Variants in CEP83 observed in about 807,000 individuals in gnomAD.
CEP83 encodes the protein centrosomal protein 83, also known as centrosomal protein of 83 kDa.
CEP83 carries 70 observed loss-of-function variants against 101.9 expected under a neutral mutation model. The observed-to-expected ratio is 0.69, with a 90% CI of 0.57 to 0.84. The LOEUF is 0.84. CEP83 is among the 40% of genes least tolerant of loss of function. The pLI is 0.00. For missense variants in CEP83, 715 were observed against 787.2 expected (o/e 0.91, Z 1.10); for synonymous variants, 264 against 267.9 (o/e 0.99, Z 0.14).
chr12:94,403,767 G>A (rs2063383655), intron 4 of CEP83, among the ~76,000 whole-genome samples: 1 of 151,802 alleles, frequency 6.6e-6, no homozygotes, highest in Non-Finnish European at 1.5e-5. Context: ...TAAGTCCCAT[G>A]TGGGAAAACA....
chr12:94,337,335 T>C (rs888146252), intron 11 of CEP83, among the ~76,000 whole-genome samples: 1 of 152,262 alleles, frequency 6.6e-6, no homozygotes, highest in East Asian at 1.9e-4. Flanking sequence ...GAAGATGATA[T>C]ACAACAAGAC....
At chr12:94,447,871 A>G (rs1193326704) in intron 1 of CEP83, among the ~76,000 whole-genome samples, 1 of 152,146 alleles carries the variant, frequency 6.6e-6, no homozygotes, top group Non-Finnish European at 1.5e-5. Flanking sequence ...AAGAATATTT[A>G]ACACAGAAAG....
At chr12:94,391,289 C>A (rs1447624967) in intron 6 of CEP83, among the ~76,000 whole-genome samples, 4 of 152,156 alleles carry the variant, frequency 2.6e-5, no homozygotes, top group Non-Finnish European at 5.9e-5. Flanking sequence ...TCGGCAGAAA[C>A]CCTACAAGCC....
chr12:94,272,139 A>G, the CEP83 span: 1 of 152,068 alleles, frequency 6.6e-6, no homozygotes, highest in Non-Finnish European at 1.5e-5. Flanking sequence ...TTTCTTTCTC[A>G]TAACCCTCCT....
chr12:94,304,120 C>G (rs1439985679), downstream of CEP83: 7 of 1,017,702 alleles, frequency 6.9e-6, no homozygotes, highest in African/African-American at 1.6e-5. Flanking sequence ...AGCATTCTGT[C>G]AGTTTCAGAA....
intron 6 of CEP83, among the ~76,000 whole-genome samples, chr12:94,389,788 T>G (rs1253750853): frequency 2.0e-5 from 3 of 152,194 alleles, no homozygotes; most frequent in Admixed American, 1.3e-4. Context: ...TCCCAAGGTC[T>G]TAGCAACCAG....
intron 11 of CEP83, among the ~76,000 whole-genome samples, 188 bp downstream of exon 11, chr12:94,367,606 C>A (rs923293452): frequency 6.6e-6 from 1 of 151,912 alleles, no homozygotes; most frequent in Non-Finnish European, 1.5e-5. Flanking sequence ...AATAGTAATG[C>A]CTGATTTCCT....
chr12:94,414,899 A>G (rs2064153477), intron 2 of CEP83, among the ~76,000 whole-genome samples: 1 of 152,180 alleles, frequency 6.6e-6, no homozygotes, highest in South Asian at 2.1e-4. Flanking sequence ...GTTTTCACTA[A>G]AAGTTAAGAT....
intron 1 of CEP83, among the ~76,000 whole-genome samples, chr12:94,440,586 A>G (rs2066329003): frequency 1.3e-5 from 2 of 152,190 alleles, no homozygotes; most frequent in South Asian, 4.1e-4. Flanking sequence ...GATGGGTAGA[A>G]TCAATATTGT....
chr12:94,442,683 T>C (rs912194483), intron 1 of CEP83, among the ~76,000 whole-genome samples: 6 of 152,194 alleles, frequency 3.9e-5, no homozygotes, highest in African/African-American at 1.2e-4. Context: ...AATCTAGTAA[T>C]AGGTGAGGAA....
chr12:94,350,982 G>A (rs955126209), intron 11 of CEP83, among the ~76,000 whole-genome samples: 2 of 151,856 alleles, frequency 1.3e-5, no homozygotes, highest in African/African-American at 2.4e-5. Context: ...CTGACTAGAG[G>A]ACCAACACTC....
At chr12:94,333,730 G>T in intron 12 of CEP83, 91 bp from the exon 13 acceptor site, 1 of 1,248,008 alleles carries the variant, frequency 8.0e-7, no homozygotes, top group South Asian at 1.4e-5. Context: ...ATCTCCCTTT[G>T]CAAATGCTCC....
chr12:94,459,894 T>TG (rs1177630413), upstream of CEP83: 1 of 152,530 alleles, frequency 6.6e-6, no homozygotes, highest in South Asian at 2.0e-4. Flanking sequence ...TGCTGACGTA[T>TG]GGCCCAGAAG....
chr12:94,374,897 T>G (rs1368305691), intron 8 of CEP83, among the ~76,000 whole-genome samples: 1 of 152,232 alleles, frequency 6.6e-6, no homozygotes, highest in Non-Finnish European at 1.5e-5. Flanking sequence ...CACTTAAGTT[T>G]CAGAGAGACA....
the CEP83 span, among the ~76,000 whole-genome samples, chr12:94,270,516 C>T: frequency 6.6e-6 from 1 of 152,168 alleles, no homozygotes; most frequent in African/African-American, 2.4e-5. Flanking sequence ...TTCTGGGACA[C>T]AGCAATGGAA....
rs200501615 is a variant in CEP83 at position 94,310,065 on chromosome 12, T to C, written c.1854A>G (p.Arg618=). ...PFEDYTRLQK[R]LKDIQRRHNE... is the part of the protein sequence containing the mutation. ...TATGTCTTCTCTGTATATCTTTTAGTCTTTTTTGAAGCCTTGTATAGTCTT... is the reference window on the plus strand; with the variant it reads ...TATGTCTTCTCTGTATATCTTTTAGCCTTTTTTGAAGCCTTGTATAGTCTT... Residue 618 remains arginine, a synonymous_variant, in exon 16 of 17, where the codon AGA becomes AGG. Transcript: ENST00000397809. 6 of 1,604,554 alleles carry C rather than the reference T, an allele frequency of 3.7e-6. No homozygotes were observed. Among genetic ancestry groups the C allele is most frequent in the Non-Finnish European group, 5.1e-6 (6 of 1,172,358 alleles).
At chr12:94,434,334 T>C (rs2065850513) in intron 2 of CEP83, among the ~76,000 whole-genome samples, 1 of 152,108 alleles carries the variant, frequency 6.6e-6, no homozygotes, top group Non-Finnish European at 1.5e-5. Flanking sequence ...AATGTAAAAA[T>C]TGTACAAATG....
At chr12:94,310,146 AC>A in intron 15 of CEP83, 39 bp from the exon 16 acceptor site, 2 of 1,077,682 alleles carry the variant, frequency 1.9e-6, no homozygotes, top group Non-Finnish European at 2.7e-6. Context: ...ACATGGTTAT[AC>A]CCTATTGAAG....
intron 1 of CEP83, among the ~76,000 whole-genome samples, chr12:94,454,574 GGAAGAA>G (rs1324090654): frequency 6.6e-5 from 10 of 152,214 alleles, no homozygotes; most frequent in African/African-American, 2.4e-4. Flanking sequence ...GCCAAATAAG[GGAAGAA>G]GAGCTAGGCA....
Sources: gnomAD v4.1 joint callset for allele counts (sites outside exome capture counted in the v4.1 genomes callset) on GRCh38, gnomAD v4.1.1 for gene constraint, MANE v1.5 for transcripts, NCBI Gene and HGNC (gene_info 2026-07-23, HGNC 2026-07-21) for gene names.